The following ABLIM2 variants were observed in gnomAD, a reference collection of about 807,000 sequenced individuals.
ABLIM2 encodes actin binding LIM protein family member 2.
In ABLIM2, 53 loss-of-function variants were observed where a neutral mutation model predicts 97.7. That is an observed-to-expected ratio of 0.54 (90% CI 0.44 to 0.68). The LOEUF (loss-of-function observed/expected upper bound fraction) is 0.68. Among genes scored for constraint, ABLIM2 ranks in the 30% least tolerant of loss-of-function variants. The pLI is 0.00. For synonymous variants in ABLIM2, 361 were observed against 345.8 expected (o/e 1.04, Z -0.49); for missense variants, 835 against 867.2 (o/e 0.96, Z 0.47).
At chr4:8,063,888 C>G (rs549607088) in intron 6 of ABLIM2, among the ~76,000 whole-genome samples, 25 of 152,362 alleles carry the variant, frequency 1.6e-4, no homozygotes, top group Non-Finnish European at 8.8e-5. Context: ...CTTGCTACAG[C>G]CCCAGTCCAC....
At chr4:8,142,893 G>A (rs1184620942) in intron 1 of ABLIM2, among the ~76,000 whole-genome samples, 3 of 152,208 alleles carry the variant, frequency 2.0e-5, no homozygotes, top group Non-Finnish European at 2.9e-5. Flanking sequence ...GGAACCTCAG[G>A]TCTGGGGAAG....
chr4:8,150,759 T>G lies in ABLIM2; in HGVS notation c.10+7921A>C, dbSNP rs1414771902. On this transcript the variant is annotated intron_variant, in intron 1 of 20. Coordinates refer to ENST00000447017, the MANE Select transcript of ABLIM2 (RefSeq NM_001130083.2). This position sits in a 1 kb window ranked among gnomAD's most constrained non-coding sequence, Gnocchi z 6.3. ...GAAAACCGGGAGCTGGGTGGCTCTC[T>G]GGAGACGGTGCTTCTCCTGGCACTG... is the stretch of plus-strand genomic sequence containing the variant. Among the ~76,000 whole-genome samples the G allele has an allele frequency of 6.6e-6, 1 of 152,144 alleles. No individual in the cohort carries two copies. The highest frequency in any genetic ancestry group is 6.5e-5 in the Admixed American group (1 of 15,282).
At position 8,005,143 on chromosome 4, in the gene ABLIM2, T is replaced by C. The variant is rs1453932442; in HGVS notation, c.1618+2916A>G. 6.6e-6 allele frequency among the ~76,000 whole-genome samples: 1 copy of C among 152,192 alleles called. No homozygotes were observed. The highest frequency in any genetic ancestry group is 2.4e-5 in the African/African-American group (1 of 41,450). On this transcript the variant is annotated intron_variant, in intron 16 of 20. Coordinates refer to ENST00000447017, the MANE Select transcript of ABLIM2 (RefSeq NM_001130083.2). The surrounding 1 kb of genome is among the most constrained non-coding windows in gnomAD (Gnocchi z 4.9). ...TGAGATGAGTTTGTGATCGGGCCCT[T>C]GCGAAGCCAAAGAGGTGCCCGGCGG...
At chr4:8,136,690 A>T (rs532115090) in intron 1 of ABLIM2, among the ~76,000 whole-genome samples, 1 of 152,360 alleles carries the variant, frequency 6.6e-6, no homozygotes, top group African/African-American at 2.4e-5. Flanking sequence ...CATGCCGACA[A>T]GGCCGAGGGA....
At chr4:8,108,505 C>T (rs1360913844) in intron 1 of ABLIM2, among the ~76,000 whole-genome samples, 4 of 152,350 alleles carry the variant, frequency 2.6e-5, no homozygotes, top group East Asian at 3.9e-4. Flanking sequence ...CGCGGGGAGG[C>T]GACTACTCTC....
In ABLIM2 at chr4:7,986,989, T is replaced by G. The variant is rs1464196670; in HGVS notation, c.1681-2096A>C. On this transcript the variant is annotated intron_variant, in intron 17 of 20. Coordinates refer to ENST00000447017, the MANE Select transcript of ABLIM2 (RefSeq NM_001130083.2). The surrounding 1 kb of genome is among the most constrained non-coding windows in gnomAD (Gnocchi z 4.3). ...CCCGGTCATGCAAATAATTTTTAATTTTTTATTTTAAGAGACAGAGTCTGG... is the reference window on the plus strand; with the variant it reads ...CCCGGTCATGCAAATAATTTTTAATGTTTTATTTTAAGAGACAGAGTCTGG... Among the ~76,000 whole-genome samples, 1 of 151,426 alleles carries G rather than the reference T, an allele frequency of 6.6e-6. No homozygotes were observed. Among genetic ancestry groups the G allele is most frequent in the Non-Finnish European group, 1.5e-5 (1 of 67,882 alleles).
chr4:8,031,491 G>A (rs1447530432), intron 10 of ABLIM2, among the ~76,000 whole-genome samples: 2 of 152,204 alleles, frequency 1.3e-5, no homozygotes, highest in Non-Finnish European at 2.9e-5. Flanking sequence ...CAGCACCCAG[G>A]TACCATGGCC....
At chr4:8,142,822 A>C (rs1159280444) in intron 1 of ABLIM2, among the ~76,000 whole-genome samples, 1 of 152,182 alleles carries the variant, frequency 6.6e-6, no homozygotes, top group East Asian at 1.9e-4. Context: ...CCCAAGGACA[A>C]CACCATCCCT....
rs538765506 is a variant in ABLIM2 at position 8,123,006 on chromosome 4, G to T, written c.11-16369C>A. On this transcript the variant is annotated intron_variant, in intron 1 of 20. Transcript: ENST00000447017. The surrounding 1 kb of genome is among the most constrained non-coding windows in gnomAD (Gnocchi z 6.2). ...GGAGGTCGTGCCTGCCTCCCCTGGCGTTCCCACTCTGCAAGCCTCCTTCCT... is the reference window on the plus strand; with the variant it reads ...GGAGGTCGTGCCTGCCTCCCCTGGCTTTCCCACTCTGCAAGCCTCCTTCCT... Among the ~76,000 whole-genome samples the T allele has an allele frequency of 6.6e-6, 1 of 152,156 alleles. No homozygotes were observed. The highest frequency in any genetic ancestry group is 2.4e-5 in the African/African-American group (1 of 41,432).
At chr4:8,073,478 C>A (rs1379483976) in intron 6 of ABLIM2, among the ~76,000 whole-genome samples, 1 of 151,932 alleles carries the variant, frequency 6.6e-6, no homozygotes, top group Non-Finnish European at 1.5e-5. Flanking sequence ...ATCCTGCAGG[C>A]TCCTCCAGAG....
chr4:8,073,004 G>C (rs1338263503), intron 6 of ABLIM2, among the ~76,000 whole-genome samples: 1 of 152,118 alleles, frequency 6.6e-6, no homozygotes, highest in African/African-American at 2.4e-5. Context: ...AGGCAGTGGG[G>C]CCGGTGCGAA....
Position 8,128,343 on chromosome 4 carries a change from C to T in ABLIM2, c.11-21706G>A, listed in dbSNP as rs1218841357. 6.6e-6 allele frequency among the ~76,000 whole-genome samples: 1 copy of T among 152,158 alleles called. No homozygotes were observed. The highest frequency in any genetic ancestry group is 1.5e-5 in the Non-Finnish European group (1 of 68,026). On this transcript the variant is annotated intron_variant, in intron 1 of 20. Transcript: ENST00000447017. The surrounding 1 kb of genome is among the most constrained non-coding windows in gnomAD (Gnocchi z 4.9). ...ATTCAGAGCTTCCAGGTGGGTGGGG[C>T]CACAAGAAGACGTGTCTCTATCTAG...
intron 1 of ABLIM2, among the ~76,000 whole-genome samples, chr4:8,138,923 G>A (rs1850549774): frequency 2.0e-5 from 3 of 152,252 alleles, no homozygotes; most frequent in African/African-American, 7.2e-5. Flanking sequence ...GAGACTGGGT[G>A]CAGTGGCTCA....
At position 8,061,062 on chromosome 4, in the gene ABLIM2, A is replaced by G. The variant is rs756231126; in HGVS notation, c.676-8T>C. On this transcript the variant is annotated splice_polypyrimidine_tract_variant and splice_region_variant and intron_variant, in intron 6 of 20. Transcript: ENST00000447017. This position sits in a 1 kb window ranked among gnomAD's most constrained non-coding sequence, Gnocchi z 4.5. ...GTAGTGCTTCTCTCCGGCCTGTAAG[A>G]AAAGCACAAAGCAGAATGTTTCTAC... 7.6e-6 allele frequency: 12 copies of G among 1,576,074 alleles called. No homozygotes were observed. Among genetic ancestry groups the G allele is most frequent in the Non-Finnish European group, 1.0e-5 (12 of 1,160,322 alleles).
rs763503651 is a variant in ABLIM2 at position 8,149,089 on chromosome 4, C to T, written c.10+9591G>A. Among the ~76,000 whole-genome samples the T allele has an allele frequency of 3.9e-5, 6 of 152,104 alleles. No homozygotes were observed. Among genetic ancestry groups the T allele is most frequent in the African/African-American group, 7.2e-5 (3 of 41,404 alleles). On this transcript the variant is annotated intron_variant, in intron 1 of 20. Coordinates refer to ENST00000447017, the MANE Select transcript of ABLIM2 (RefSeq NM_001130083.2). The surrounding 1 kb of genome is among the most constrained non-coding windows in gnomAD (Gnocchi z 6.4). ...TAGGGCTGGGGCCATCTGGAGGCTCCGGGGGAGATCCACTTCCGTGCCTCT... is the reference window on the plus strand; with the variant it reads ...TAGGGCTGGGGCCATCTGGAGGCTCTGGGGGAGATCCACTTCCGTGCCTCT...
Position 8,128,911 on chromosome 4 carries a change from T to G in ABLIM2, c.11-22274A>C, listed in dbSNP as rs1848933324. On this transcript the variant is annotated intron_variant, in intron 1 of 20. Coordinates refer to ENST00000447017, the MANE Select transcript of ABLIM2 (RefSeq NM_001130083.2). The surrounding 1 kb of genome is among the most constrained non-coding windows in gnomAD (Gnocchi z 4.9). ...ACCCAGAGCCCGACCATGCTGGCAC[T>G]CTGATCTTGGACTTCCAGCCTCCAG... Among the ~76,000 whole-genome samples, 1 of 152,176 alleles carries G rather than the reference T, an allele frequency of 6.6e-6. No individual in the cohort carries two copies. The highest frequency in any genetic ancestry group is 2.4e-5 in the African/African-American group (1 of 41,462).
chr4:8,127,609 G>T lies in ABLIM2; in HGVS notation c.11-20972C>A. On this transcript the variant is annotated intron_variant, in intron 1 of 20. Coordinates refer to ENST00000447017, the MANE Select transcript of ABLIM2 (RefSeq NM_001130083.2). This position sits in a 1 kb window ranked among gnomAD's most constrained non-coding sequence, Gnocchi z 7.3. Reference sequence around the variant, plus strand: ...CTTGCAAAGGGCCAGCGGGTCGGCGGCTCTCCCTCTGCGTGGCTGGGCCTG... The same window carrying T: ...CTTGCAAAGGGCCAGCGGGTCGGCGTCTCTCCCTCTGCGTGGCTGGGCCTG... 7.8e-7 allele frequency: 1 copy of T among 1,289,578 alleles called. No homozygotes were observed. Among genetic ancestry groups the T allele is most frequent in the Non-Finnish European group, 1.0e-6 (1 of 988,700 alleles). The allele number at this position is 1,289,578 out of a possible 1,614,324, so 79.9% of individuals were successfully genotyped here. A position where few individuals can be genotyped will look rare whatever the true frequency, so the allele number is the denominator to read the frequency against.
At chr4:8,047,259 G>A (rs902047419) in intron 8 of ABLIM2, among the ~76,000 whole-genome samples, 9 of 152,138 alleles carry the variant, frequency 5.9e-5, no homozygotes, top group African/African-American at 1.9e-4. Context: ...CCACCTGTCC[G>A]CCACCTCTGC....
chr4:8,130,865 T>C lies in ABLIM2; in HGVS notation c.11-24228A>G, dbSNP rs1045284037. 3.9e-5 allele frequency among the ~76,000 whole-genome samples: 6 copies of C among 152,152 alleles called. No homozygotes were observed. Among genetic ancestry groups the C allele is most frequent in the African/African-American group, 1.4e-4 (6 of 41,420 alleles). On this transcript the variant is annotated intron_variant, in intron 1 of 20. Coordinates refer to ENST00000447017, the MANE Select transcript of ABLIM2 (RefSeq NM_001130083.2). This position sits in a 1 kb window ranked among gnomAD's most constrained non-coding sequence, Gnocchi z 4.2. ...GCTCTAGGGCAGGCTGTCCTTGCCT[T>C]GCCTGGCTGCTGGGGCGGCCTGCAT...
Sources: gnomAD v4.1 joint callset for allele counts (sites outside exome capture counted in the v4.1 genomes callset) on GRCh38, gnomAD v4.1.1 for gene constraint, Gnocchi (gnomAD v3.1) non-coding constraint, MANE v1.5 for transcripts, NCBI Gene and HGNC (gene_info 2026-07-23, HGNC 2026-07-21) for gene names.